The following BPIFA2 variants were observed in gnomAD, a reference collection of about 807,000 sequenced individuals.
BPIFA2 encodes BPI fold-containing family A member 2.
BPIFA2 carries 20 observed loss-of-function variants against 25.7 expected under a neutral mutation model. The ratio of observed to expected loss-of-function variants is 0.78; its 90% CI spans 0.55 to 1.13. The LOEUF (loss-of-function observed/expected upper bound fraction) is 1.13. Among genes scored for constraint, BPIFA2 ranks in the 50% most tolerant of loss-of-function variants. The probability of loss-of-function intolerance (pLI) is 0.00; values close to 1 mark genes in which losing one functional copy is unlikely to be tolerated. For missense variants in BPIFA2, 300 were observed against 298.1 expected (o/e 1.01, Z -0.05); for synonymous variants, 126 against 124.3 (o/e 1.01, Z -0.09).
intron 3 of BPIFA2, among the ~76,000 whole-genome samples, chr20:33,173,289 C>T (rs944619760): frequency 2.6e-5 from 4 of 152,094 alleles, no homozygotes; most frequent in South Asian, 2.1e-4. Context: ...TTCGGGCTTC[C>T]GCTTTCTTTA....
chr20:33,180,755 C>T (rs548290937), intron 8 of BPIFA2, among the ~76,000 whole-genome samples, 158 bp downstream of exon 8: 23 of 152,314 alleles, frequency 1.5e-4, no homozygotes, highest in African/African-American at 5.5e-4. Flanking sequence ...ATTCTGGTCA[C>T]ACTCTGAACA....
chr20:33,163,017 G>GA (rs1983623727), intron 1 of BPIFA2, among the ~76,000 whole-genome samples: 1 of 152,246 alleles, frequency 6.6e-6, no homozygotes, highest in East Asian at 1.9e-4. Context: ...TTTGTGGAAA[G>GA]TAATTGTCAG....
chr20:33,174,714 C>T (rs1984015384), intron 4 of BPIFA2, among the ~76,000 whole-genome samples: 1 of 152,018 alleles, frequency 6.6e-6, no homozygotes, highest in Non-Finnish European at 1.5e-5. Context: ...AGTTCGTGAC[C>T]AGCCAGGACA....
upstream of BPIFA2, among the ~76,000 whole-genome samples, chr20:33,166,019 TTTTG>T (rs1295868876): frequency 6.6e-6 from 1 of 152,050 alleles, no homozygotes; most frequent in Non-Finnish European, 1.5e-5. Flanking sequence ...TTTATTTTAT[TTTTG>T]TTTGTTTGTT....
intron 6 of BPIFA2, 110 bp from the exon 7 acceptor site, chr20:33,179,494 C>A: frequency 2.3e-6 from 2 of 868,204 alleles, no homozygotes; most frequent in Admixed American, 1.8e-5. Flanking sequence ...TCTAAGATCC[C>A]TAGAAATGAG....
chr20:33,178,295 C>A (rs1038096240), intron 6 of BPIFA2, 67 bp downstream of exon 6: 3 of 1,254,784 alleles, frequency 2.4e-6, no homozygotes, highest in Non-Finnish European at 2.3e-6. Flanking sequence ...ATTTGCAGGC[C>A]TGGCTGTATC....
chr20:33,180,185 T>A (rs1984226960), intron 7 of BPIFA2, among the ~76,000 whole-genome samples: 1 of 150,306 alleles, frequency 6.7e-6, no homozygotes, highest in African/African-American at 2.4e-5. Flanking sequence ...GCCACTGCAC[T>A]CCGGCCTGGG....
rs140467313 is a variant in BPIFA2 at position 33,175,442 on chromosome 20, C to T, written c.446C>T (p.Ser149Phe). 1 of 1,614,066 alleles carries T rather than the reference C, an allele frequency of 6.2e-7. No individual in the cohort carries two copies. Among genetic ancestry groups the T allele is most frequent in the Non-Finnish European group, 8.5e-7 (1 of 1,179,934 alleles). Residue 149 changes from serine to phenylalanine, a missense_variant, in exon 5 of 9, where the codon TCC (serine) becomes TTC (phenylalanine). By Grantham distance (155) the Ser-to-Phe change is radical (BLOSUM62 -2). Coordinates refer to ENST00000354932, the MANE Select transcript of BPIFA2 (RefSeq NM_080574.4). Reference protein sequence around the residue: ...IIGQIINLKASLDLLTAVTIE... With the variant: ...IIGQIINLKAFLDLLTAVTIE... ...GGCCAGATTATCAACCTGAAAGCCTCCTTGGACCTCCTGACCGCAGTCACA... is the reference window on the plus strand; with the variant it reads ...GGCCAGATTATCAACCTGAAAGCCTTCTTGGACCTCCTGACCGCAGTCACA...
chr20:33,173,661 C>T (rs538017305), intron 3 of BPIFA2, among the ~76,000 whole-genome samples: 67 of 152,278 alleles, frequency 4.4e-4, no homozygotes, highest in African/African-American at 1.5e-3. Context: ...TGCACCACCA[C>T]GCCCGGCTAA....
upstream of BPIFA2, among the ~76,000 whole-genome samples, chr20:33,166,686 A>C (rs753913382): frequency 4.6e-5 from 7 of 152,190 alleles, no homozygotes; most frequent in South Asian, 1.2e-3. Flanking sequence ...CTGCCCTCAA[A>C]GCCCCTCACC....
intron 8 of BPIFA2, 38 bp downstream of exon 8, chr20:33,180,635 C>T (rs377661210): frequency 1.4e-6 from 2 of 1,472,572 alleles, no homozygotes; most frequent in Admixed American, 3.5e-5. Context: ...GCACAGGGGC[C>T]TATGGTGAAG....
rs527392322 is a variant in BPIFA2 at position 33,163,011 on chromosome 20, T to C, written c.-16+1113T>C. Among the ~76,000 whole-genome samples the C allele has an allele frequency of 1.1e-4, 16 of 152,282 alleles. No homozygotes were observed. The East Asian group carries it at 2.3e-3, about 22-fold the overall frequency. On this transcript the variant is annotated intron_variant, in intron 1 of 8. Coordinates refer to the BPIFA2 transcript ENST00000253362. ...ATTTGCAAGAACTGTACCTGCTTTG[T>C]GGAAAGTAATTGTCAGTGTGCGTGT...
intron 8 of BPIFA2, among the ~76,000 whole-genome samples, chr20:33,180,864 C>A (rs1984255516): frequency 6.6e-6 from 1 of 152,218 alleles, no homozygotes; most frequent in Admixed American, 6.5e-5. Flanking sequence ...GAGCCTTAGT[C>A]TTGGTCACAG....
At chr20:33,181,023 C>T (rs1220125206) in intron 8 of BPIFA2, among the ~76,000 whole-genome samples, 23 of 152,160 alleles carry the variant, frequency 1.5e-4, no homozygotes, top group African/African-American at 2.4e-5. Flanking sequence ...TGAGTCAGTG[C>T]CAGGTGCTAA....
intron 7 of BPIFA2, among the ~76,000 whole-genome samples, chr20:33,179,870 A>T (rs1449918645): frequency 6.6e-6 from 1 of 152,018 alleles, no homozygotes; most frequent in East Asian, 1.9e-4. Flanking sequence ...GTTGCTGGGG[A>T]GAAATGGAGT....
rs368954341 is a variant in BPIFA2 at position 33,175,470 on chromosome 20, T to C, written c.474T>C (p.Ile158=). ...TGGACCTCCTGACCGCAGTCACAAT[T>C]GAAACTGATCCCCAGACACACCAGC... The part of the protein sequence containing the change: ...ASLDLLTAVT[I]ETDPQTHQPV... Residue 158 remains isoleucine (I), a synonymous_variant, in exon 5 of 9, where the codon ATT becomes ATC. Transcript: ENST00000354932. The C allele has an allele frequency of 3.1e-6, 5 of 1,613,918 alleles. No homozygotes were observed. The highest frequency in any genetic ancestry group is 4.2e-6 in the Non-Finnish European group (5 of 1,179,944).
intron 5 of BPIFA2, among the ~76,000 whole-genome samples, chr20:33,176,745 T>C (rs1984092015): frequency 6.6e-6 from 1 of 152,170 alleles, no homozygotes; most frequent in South Asian, 2.1e-4. Flanking sequence ...AAGGCTCTGT[T>C]TGATCTGGCC....
At chr20:33,175,018 A>G (rs1348996054) in intron 4 of BPIFA2, among the ~76,000 whole-genome samples, 4 of 152,234 alleles carry the variant, frequency 2.6e-5, no homozygotes, top group African/African-American at 7.2e-5. Context: ...TTATTTAGCT[A>G]TGAGATCTTG....
upstream of BPIFA2, among the ~76,000 whole-genome samples, chr20:33,165,420 G>T (rs973676838): frequency 6.6e-6 from 1 of 152,220 alleles, no homozygotes; most frequent in Non-Finnish European, 1.5e-5. Flanking sequence ...CTGGAGAAGG[G>T]GTGGGGGCTG....
Sources: gnomAD v4.1 joint callset for allele counts (sites outside exome capture counted in the v4.1 genomes callset) on GRCh38, gnomAD v4.1.1 for gene constraint, MANE v1.5 for transcripts, NCBI Gene and HGNC (gene_info 2026-07-23, HGNC 2026-07-21) for gene names.